The following ALS2CL variants were observed in gnomAD, a reference collection of about 807,000 sequenced individuals.
The protein encoded by ALS2CL is ALS2 C-terminal-like protein.
Under a neutral mutation model 127.9 loss-of-function variants are expected in ALS2CL, and 112 were observed. The ratio of observed to expected loss-of-function variants is 0.88; its 90% CI spans 0.75 to 1.02. ALS2CL has a LOEUF of 1.02. Ranked by LOEUF, ALS2CL falls within the 50% of genes least tolerant of loss-of-function variation. The pLI is 0.00. For synonymous variants in ALS2CL, 519 were observed against 527.6 expected, an observed-to-expected ratio of 0.98 and a Z score of 0.22; for missense variants, 1,174 against 1,236.7, an observed-to-expected ratio of 0.95 and a Z score of 0.76.
intron 20 of ALS2CL, chr3:46,675,257 C>T: frequency 4.0e-6 from 1 of 247,032 alleles, no homozygotes; most frequent in Non-Finnish European, 7.8e-6. Context: ...TCATGCCCAC[C>T]TAACTCCTGT....
At chr3:46,689,793 G>A (rs1700049359) in intron 1 of ALS2CL, among the ~76,000 whole-genome samples, 2 of 152,204 alleles carry the variant, frequency 1.3e-5, no homozygotes, top group African/African-American at 4.8e-5. Context: ...TGGATCCCAA[G>A]TGCCCAGGAT....
chr3:46,689,782 A>T (rs941713785), intron 1 of ALS2CL, among the ~76,000 whole-genome samples: 3 of 152,162 alleles, frequency 2.0e-5, no homozygotes, highest in African/African-American at 7.2e-5. Flanking sequence ...AATATCCACC[A>T]TGGATCCCAA....
At chr3:46,689,968 G>A (rs1575452872) in intron 1 of ALS2CL, among the ~76,000 whole-genome samples, 1 of 152,246 alleles carries the variant, frequency 6.6e-6, no homozygotes, top group African/African-American at 2.4e-5. Flanking sequence ...AGCAAGGAGA[G>A]TTTTGGAGGT....
In ALS2CL at chr3:46,681,979, A is replaced by C. The variant is rs1575432440; in HGVS notation, c.1175+50T>G. 1 of 1,595,686 alleles carries C rather than the reference A, an allele frequency of 6.3e-7. No individual in the cohort carries two copies. Among genetic ancestry groups the C allele is most frequent in the Non-Finnish European group, 8.6e-7 (1 of 1,167,292 alleles). ...GGTGACCACAGCAGGGGAGGAAAGC[A>C]CCCTTCAGCCCACTGCACGCCTCCC... On this transcript the variant is annotated intron_variant, in intron 11 of 25. Transcript: ENST00000318962. This position sits in a 1 kb window ranked among gnomAD's most constrained non-coding sequence, Gnocchi z 4.9.
chr3:46,676,793 C>G (rs2106701969), intron 17 of ALS2CL, 55 bp from the exon 18 acceptor site: 2 of 1,607,546 alleles, frequency 1.2e-6, no homozygotes, highest in South Asian at 1.1e-5. Context: ...CCCCTCCCCC[C>G]AGGAAGCCCT....
In ALS2CL at chr3:46,677,032, G is replaced by A. The variant is rs767089716; in HGVS notation, c.1758-10C>T. ...ACCCACGCCCAGCTGCCTGCGATGG[G>A]GATGGAGGGTGGGTGATGGGGCAGA... On this transcript the variant is annotated splice_polypyrimidine_tract_variant and intron_variant, in intron 16 of 25. Transcript: ENST00000318962. 82 of 1,592,070 alleles carry A rather than the reference G, an allele frequency of 5.2e-5. No homozygotes were observed. Among genetic ancestry groups the A allele is most frequent in the Non-Finnish European group, 7.0e-5 (82 of 1,169,696 alleles).
In ALS2CL at chr3:46,683,146, C is replaced by A; in HGVS notation, c.1093G>T (p.Gly365Cys). The change falls in exon 10 of 26, where the codon GGC becomes TGC. Residue 365 changes from glycine (G) to cysteine (C), a missense_variant. Transcript: ENST00000318962. ...QATYEGEWCR[G>C]RPHGKGTLKW... ...GCCACTCACTTGCCGTGGGGCCGGC[C>A]CCTGCACCACTCGCCCTCGTAGGTG... The A allele has an allele frequency of 6.3e-7, 1 of 1,595,254 alleles. No homozygotes were observed. The highest frequency in any genetic ancestry group is 8.5e-7 in the Non-Finnish European group (1 of 1,170,980).
intron 18 of ALS2CL, 114 bp from the exon 19 acceptor site, chr3:46,676,516 C>T (rs1698835620): frequency 1.3e-6 from 2 of 1,548,356 alleles, no homozygotes; most frequent in African/African-American, 1.4e-5. Context: ...CACTGAGGTC[C>T]TCTGAGGACA....
intron 16 of ALS2CL, 90 bp from the exon 17 acceptor site, chr3:46,677,112 G>A: frequency 6.7e-7 from 1 of 1,502,800 alleles, no homozygotes; most frequent in Non-Finnish European, 8.8e-7. Context: ...AGGGGTGGGG[G>A]TATGAGCCTG....
At chr3:46,689,309 T>C (rs750046587) in intron 2 of ALS2CL, 29 bp downstream of exon 2, 16 of 1,607,756 alleles carry the variant, frequency 1.0e-5, no homozygotes, top group African/African-American at 1.3e-5. Context: ...TCGGTGCCCT[T>C]CCCTCCCCAC....
chr3:46,689,506 A>G, intron 1 of ALS2CL, 41 bp from the exon 2 acceptor site: 1 of 1,360,386 alleles, frequency 7.4e-7, no homozygotes, highest in Non-Finnish European at 1.0e-6. Flanking sequence ...CACAGACAGG[A>G]GCAAGGCCAG....
At chr3:46,673,240 C>CAA in intron 22 of ALS2CL, 99 bp downstream of exon 22, 1 of 843,538 alleles carries the variant, frequency 1.2e-6, no homozygotes, top group Non-Finnish European at 1.7e-6. Context: ...CTCCCCAGCT[C>CAA]CTCTGCAGCC....
Position 46,681,465 on chromosome 3 carries a change from C to A in ALS2CL, c.1274+35G>T. On this transcript the variant is annotated intron_variant, in intron 12 of 25. Transcript: ENST00000318962. The surrounding 1 kb of genome is among the most constrained non-coding windows in gnomAD (Gnocchi z 4.9). ...CATGGAGCTCAGCCCAGAGGATGGG[C>A]CCAGCCCATGAACCCCCCAGCCAGG... 1 of 1,613,680 alleles carries A rather than the reference C, an allele frequency of 6.2e-7. No individual in the cohort carries two copies. The highest frequency in any genetic ancestry group is 8.5e-7 in the Non-Finnish European group (1 of 1,179,752).
Position 46,681,409 on chromosome 3 carries a change from T to G in ALS2CL, c.1275-2A>C. On this transcript the variant is annotated splice_acceptor_variant, in intron 12 of 25. Coordinates refer to ENST00000318962, the MANE Select transcript of ALS2CL (RefSeq NM_147129.5). LOFTEE classifies it high-confidence loss of function. The surrounding 1 kb of genome is among the most constrained non-coding windows in gnomAD (Gnocchi z 4.9). Reference sequence around the variant, plus strand: ...TTGTACACCTCGTCGGTGCTGTACCTGGGGAGGGCCATCAACAACGAGCTC... The same window carrying G: ...TTGTACACCTCGTCGGTGCTGTACCGGGGGAGGGCCATCAACAACGAGCTC... 1.2e-6 allele frequency: 2 copies of G among 1,605,748 alleles called. No homozygotes were observed. Among genetic ancestry groups the G allele is most frequent in the South Asian group, 2.2e-5 (2 of 90,676 alleles).
chr3:46,681,052 G>T lies in ALS2CL; in HGVS notation c.1436+194C>A. The T allele has an allele frequency of 1.2e-6, 1 of 867,088 alleles. No homozygotes were observed. The highest frequency in any genetic ancestry group is 1.5e-5 in the South Asian group (1 of 67,262). The allele number at this position is 867,088 out of a possible 1,614,324, so 53.7% of individuals were successfully genotyped here. A position where few individuals can be genotyped will look rare whatever the true frequency, so the allele number is the denominator to read the frequency against. On this transcript the variant is annotated intron_variant, in intron 13 of 25. Transcript: ENST00000318962. The surrounding 1 kb of genome is among the most constrained non-coding windows in gnomAD (Gnocchi z 4.9). ...ACCATGAGGAGGGGTGAGGGGCGGG[G>T]GCGACCCTGCAGTCAGCGTGACCAA...
intron 6 of ALS2CL, 59 bp from the exon 7 acceptor site, chr3:46,685,703 C>A: frequency 6.4e-7 from 1 of 1,558,084 alleles, no homozygotes. Context: ...AAGCTGCCTG[C>A]CACTCTGCCA....
At chr3:46,671,778 G>C (rs1186377172) in intron 24 of ALS2CL, 106 bp downstream of exon 24, 1 of 1,547,026 alleles carries the variant, frequency 6.5e-7, no homozygotes, top group Admixed American at 1.9e-5. Context: ...TCTGTACAGA[G>C]AGAAGCTGCA....
At chr3:46,674,803 C>G in intron 20 of ALS2CL, 64 bp from the exon 21 acceptor site, 2 of 1,446,484 alleles carry the variant, frequency 1.4e-6, no homozygotes. Flanking sequence ...TACTTGGAGT[C>G]TCGTCTCAAA....
Position 46,671,520 on chromosome 3 carries a change from C to G in ALS2CL, c.2749G>C (p.Gly917Arg). ...GCTGTGAGCAGGAAGTCATACAGGC[C>G]TCCTGTGTGGTTGGGGTCCATCATG... ...RDMMDPNHTG[G>R]LYDFLLTALE... is the part of the protein sequence containing the mutation. The change falls in exon 25 of 26, where the codon GGC becomes CGC. Residue 917 changes from glycine to arginine, a missense_variant. By Grantham distance (125) the Gly-to-Arg change is moderately radical. Transcript: ENST00000318962. The G allele has an allele frequency of 6.2e-7, 1 of 1,614,064 alleles. No individual in the cohort carries two copies. Among genetic ancestry groups the G allele is most frequent in the Non-Finnish European group, 8.5e-7 (1 of 1,179,990 alleles).
Sources: allele counts gnomAD v4.1 joint callset (sites outside exome capture counted in the v4.1 genomes callset), GRCh38; gene constraint gnomAD v4.1.1; non-coding constraint Gnocchi (gnomAD v3.1); transcripts MANE v1.5; gene names NCBI Gene and HGNC (gene_info 2026-07-23, HGNC 2026-07-21).